The following LTA4H variants were observed in gnomAD, a reference collection of about 807,000 sequenced individuals.
LTA4H encodes leukotriene A-4 hydrolase.
Under a neutral mutation model 89.8 loss-of-function variants are expected in LTA4H, and 59 were observed. That is an observed-to-expected ratio of 0.66 (90% CI 0.53 to 0.82). The LOEUF (loss-of-function observed/expected upper bound fraction) is 0.82. Among genes scored for constraint, LTA4H ranks in the 40% least tolerant of loss-of-function variants. The pLI is 0.00. For missense variants in LTA4H, 617 were observed against 727.0 expected (o/e 0.85, Z 1.74); for synonymous variants, 227 against 253.1 (o/e 0.90, Z 0.98).
rs1369020913 is a variant in LTA4H at position 96,015,002 on chromosome 12, G to T, written c.1060-3C>A. The T allele has an allele frequency of 1.2e-6, 2 of 1,606,444 alleles. No homozygotes were observed. The highest frequency in any genetic ancestry group is 3.4e-5 in the Admixed American group (2 of 58,248). On this transcript the variant is annotated splice_region_variant and splice_polypyrimidine_tract_variant and intron_variant, in intron 11 of 18. Coordinates refer to ENST00000228740, the MANE Select transcript of LTA4H (RefSeq NM_000895.3). ...TGTGTCTCCCCAAATGTCTTTACCT[G>T]CAAGACATGAAATAACATGGAGAAA...
chr12:96,021,666 A>AACACACAC (rs60322768), intron 5 of LTA4H, among the ~76,000 whole-genome samples: 28 of 147,134 alleles, frequency 1.9e-4, no homozygotes, highest in Non-Finnish European at 3.2e-4. Flanking sequence ...CAATTAAGAA[A>AACACACAC]ACACACACAC....
At position 96,029,139 on chromosome 12, in the gene LTA4H, C is replaced by A. The variant is rs1950544346; in HGVS notation, c.206G>T (p.Gly69Val). The stretch of plus-strand genomic sequence containing the variant: ...TCCAAGAGCATATTTGACTTCTTGT[C>A]CATTGATCACTACTTTTTCTATTGT... ...DLTIEKVVIN[G>V]QEVKYALGER... Residue 69 changes from glycine to valine, a missense_variant, in exon 2 of 19, where the codon GGA (glycine) becomes GTA (valine). By Grantham distance (109) the Gly-to-Val change is moderately radical. Around this residue, in one of 3 missense-constraint regions of LTA4H, gnomAD observed 155 missense variants for 143.3 expected, o/e 1.08. Coordinates refer to ENST00000228740, the MANE Select transcript of LTA4H (RefSeq NM_000895.3). 6.3e-7 allele frequency: 1 copy of A among 1,582,826 alleles called. No homozygotes were observed. Among genetic ancestry groups the A allele is most frequent in the Non-Finnish European group, 8.6e-7 (1 of 1,158,242 alleles).
At chr12:96,002,585 A>G (rs1007899998) in intron 18 of LTA4H, among the ~76,000 whole-genome samples, 1 of 152,230 alleles carries the variant, frequency 6.6e-6, no homozygotes, top group Non-Finnish European at 1.5e-5. Context: ...TGAACACAAA[A>G]GAGTTAGCTT....
At chr12:96,008,757 A>C (rs919533268) in intron 15 of LTA4H, among the ~76,000 whole-genome samples, 1 of 152,044 alleles carries the variant, frequency 6.6e-6, no homozygotes, top group African/African-American at 2.4e-5. Flanking sequence ...CTGTTTGTAT[A>C]AAAAGTTTTA....
At chr12:96,034,081 T>C (rs1049739016) in intron 1 of LTA4H, among the ~76,000 whole-genome samples, 3 of 152,232 alleles carry the variant, frequency 2.0e-5, no homozygotes, top group African/African-American at 7.2e-5. Flanking sequence ...TTAGTTCATA[T>C]TAATGAAATC....
chr12:96,007,938 T>A (rs1329164086), intron 15 of LTA4H, among the ~76,000 whole-genome samples: 1 of 152,338 alleles, frequency 6.6e-6, no homozygotes, highest in East Asian at 1.9e-4. Context: ...TGGAGGCCAT[T>A]ATCCTAAGTG....
chr12:96,013,049 A>T (rs1950326279), intron 14 of LTA4H, 139 bp downstream of exon 14: 1 of 613,184 alleles, frequency 1.6e-6, no homozygotes. Flanking sequence ...CCTCAGGGTT[A>T]AGGCCAAAAC....
intron 6 of LTA4H, 98 bp from the exon 7 acceptor site, chr12:96,019,338 G>A (rs1950423501): frequency 2.0e-6 from 2 of 993,194 alleles, no homozygotes; most frequent in Non-Finnish European, 1.5e-6. Context: ...CCTTTACAGT[G>A]AGAGTGCATT....
In LTA4H at chr12:96,015,604, T is replaced by C; in HGVS notation, c.1038A>G (p.Gly346=). The C allele has an allele frequency of 6.2e-7, 1 of 1,613,416 alleles. No individual in the cohort carries two copies. The highest frequency in any genetic ancestry group is 1.3e-5 in the African/African-American group (1 of 75,006). ...TTACCGAATTCTGTAGTTCTCCCCA[T>C]CCTCCCAGAGCATTAAAATGTCTGA... ...EKFRHFNALG[G]WGELQNSVKT... The change falls in exon 11 of 19, where the codon GGA becomes GGG. Residue 346 remains glycine (G), a synonymous_variant. Transcript: ENST00000228740.
At chr12:96,029,927 T>C (rs1266518721) in intron 1 of LTA4H, among the ~76,000 whole-genome samples, 3 of 152,182 alleles carry the variant, frequency 2.0e-5, no homozygotes, top group Non-Finnish European at 4.4e-5. Context: ...ATCTACCCAC[T>C]AAATATTCTA....
chr12:96,015,989 C>A (rs1051831891), intron 10 of LTA4H, among the ~76,000 whole-genome samples: 3 of 152,198 alleles, frequency 2.0e-5, no homozygotes, highest in African/African-American at 7.2e-5. Context: ...ACACTCCTAA[C>A]GCTGTAATAA....
intron 15 of LTA4H, 54 bp from the exon 16 acceptor site, chr12:96,006,463 AT>A (rs1950205496): frequency 9.8e-7 from 1 of 1,021,480 alleles, no homozygotes; most frequent in Non-Finnish European, 1.5e-6. Flanking sequence ...AATAATACTT[AT>A]TGGTTTATCT....
rs758902617 is a variant in LTA4H, at chr12:96,009,102, A to G, written c.1426T>C (p.Trp476Arg). The change falls in exon 15 of 19, where the codon TGG becomes CGG. Residue 476 changes from tryptophan (W) to arginine (R), a missense_variant. Trp to Arg is a moderately radical substitution (Grantham distance 101). Around this residue, in one of 3 missense-constraint regions of LTA4H, gnomAD observed 290 missense variants for 339.1 expected, o/e 0.86. Coordinates refer to ENST00000228740, the MANE Select transcript of LTA4H (RefSeq NM_000895.3). ...CACACATTATTACTTACAGTAATCC[A>G]TCTTTGACTTAAGGCAATACAAGCA... Reference protein sequence around the residue: ...TNACIALSQRWITAKEDDLNS... With the variant: ...TNACIALSQRRITAKEDDLNS... 9 of 1,601,592 alleles carry G rather than the reference A, an allele frequency of 5.6e-6. No individual in the cohort carries two copies. Among genetic ancestry groups the G allele is most frequent in the South Asian group, 2.2e-5 (2 of 90,768 alleles).
At chr12:96,031,172 C>T (rs1284162346) in intron 1 of LTA4H, among the ~76,000 whole-genome samples, 1 of 152,168 alleles carries the variant, frequency 6.6e-6, no homozygotes, top group South Asian at 2.1e-4. Context: ...TCCTATAATA[C>T]TTACTGTACT....
At chr12:96,006,468 T>C (rs1950205611) in intron 15 of LTA4H, 59 bp from the exon 16 acceptor site, 2 of 944,658 alleles carry the variant, frequency 2.1e-6, no homozygotes, top group East Asian at 2.5e-5. Context: ...TACTTATTGG[T>C]TTATCTGACA....
At chr12:96,019,997 G>A (rs952827898) in intron 6 of LTA4H, among the ~76,000 whole-genome samples, 6 of 150,952 alleles carry the variant, frequency 4.0e-5, no homozygotes, top group South Asian at 2.1e-4. Context: ...TCCACCTCCT[G>A]GGCTCAAGCA....
chr12:96,043,201 G>C (rs1008989405), intron 1 of LTA4H: 1 of 927,604 alleles, frequency 1.1e-6, no homozygotes, highest in African/African-American at 1.6e-5. Flanking sequence ...AGAACATGTC[G>C]GGTAGACCCG....
intron 6 of LTA4H, among the ~76,000 whole-genome samples, chr12:96,019,837 T>C (rs1950431266): frequency 1.3e-5 from 2 of 151,274 alleles, no homozygotes. Flanking sequence ...CCTGACCTCA[T>C]GATCCGCCTG....
Position 96,002,940 on chromosome 12 carries a change from C to T in LTA4H, c.1718+20G>A, listed in dbSNP as rs371920376. The T allele has an allele frequency of 9.2e-5, 138 of 1,501,124 alleles. No individual in the cohort carries two copies. The highest frequency in any genetic ancestry group is 1.1e-4 in the Non-Finnish European group (123 of 1,091,988). The allele number at this position is 1,501,124 out of a possible 1,614,324, so 93.0% of individuals were successfully genotyped here. A position where few individuals can be genotyped will look rare whatever the true frequency, so the allele number is the denominator to read the frequency against. On this transcript the variant is annotated intron_variant, in intron 18 of 18. Coordinates refer to ENST00000228740, the MANE Select transcript of LTA4H (RefSeq NM_000895.3). ...CTGTTTCTTAGATGAATTCAAAGTA[C>T]GGTCTGAGTGGGTTCTTACTTGAAT... is the stretch of plus-strand genomic sequence containing the variant.
Sources: gnomAD v4.1 joint callset for allele counts (sites outside exome capture counted in the v4.1 genomes callset) on GRCh38, gnomAD v4.1.1 for gene constraint, gnomAD v4.1.1 regional missense constraint, MANE v1.5 for transcripts, NCBI Gene and HGNC (gene_info 2026-07-23, HGNC 2026-07-21) for gene names.